Variants in PIGN observed in about 807,000 individuals in gnomAD.
The protein encoded by PIGN is GPI ethanolamine phosphate transferase 1.
A neutral mutation model predicts 125.4 loss-of-function variants in PIGN; 117 were observed. The observed-to-expected ratio is 0.93, with a 90% CI of 0.80 to 1.09. PIGN has a LOEUF of 1.09. PIGN is among the 50% of genes least tolerant of loss of function. PIGN has a pLI of 0.00. For synonymous variants in PIGN, 392 were observed against 377.8 expected (o/e 1.04, Z -0.44); for missense variants, 1,075 against 1,094.9 (o/e 0.98, Z 0.26).
intron 25 of PIGN, among the ~76,000 whole-genome samples, chr18:62,086,622 T>TG (rs1176931845): frequency 1.3e-5 from 2 of 149,630 alleles, no homozygotes; most frequent in South Asian, 2.1e-4. Flanking sequence ...TTTTTTGTTT[T>TG]TTTTTTTTTT....
intron 17 of PIGN, among the ~76,000 whole-genome samples, chr18:62,108,725 G>T (rs1371670992): frequency 6.6e-6 from 1 of 151,998 alleles, no homozygotes; most frequent in East Asian, 1.9e-4. Context: ...TGAGTAGCTG[G>T]AATTACAGGT....
intron 30 of PIGN, among the ~76,000 whole-genome samples, chr18:62,065,609 G>A (rs1048433380): frequency 1.3e-5 from 2 of 151,952 alleles, no homozygotes; most frequent in Non-Finnish European, 2.9e-5. Flanking sequence ...CGAGGTGGTG[G>A]GCGCCTGTAG....
intron 4 of PIGN, 85 bp from the exon 5 acceptor site, chr18:62,157,893 G>T: frequency 7.7e-7 from 1 of 1,294,914 alleles, no homozygotes; most frequent in Non-Finnish European, 1.0e-6. Flanking sequence ...GATTATTACA[G>T]AAGGAATCAA....
At chr18:62,094,105 T>C (rs1229364145) in intron 23 of PIGN, among the ~76,000 whole-genome samples, 1 of 152,156 alleles carries the variant, frequency 6.6e-6, no homozygotes, top group Admixed American at 6.5e-5. Flanking sequence ...TTTGGGCATC[T>C]CCTATGACTA....
intron 25 of PIGN, among the ~76,000 whole-genome samples, chr18:62,088,225 G>C (rs2033798508): frequency 6.6e-6 from 1 of 152,106 alleles, no homozygotes; most frequent in African/African-American, 2.4e-5. Context: ...ATTTCTTGCA[G>C]CTAGTCAGTC....
intron 23 of PIGN, among the ~76,000 whole-genome samples, chr18:62,026,062 G>A (rs192162950): frequency 5.3e-5 from 8 of 152,190 alleles, no homozygotes; most frequent in Admixed American, 2.6e-4. Context: ...CATAGCACCC[G>A]GGACACATTT....
chr18:62,099,144 A>C (rs1251386606), intron 22 of PIGN, among the ~76,000 whole-genome samples: 2 of 152,072 alleles, frequency 1.3e-5, no homozygotes, highest in African/African-American at 2.4e-5. Flanking sequence ...TAAAAGAAAA[A>C]AAATTGTCGA....
intron 14 of PIGN, among the ~76,000 whole-genome samples, chr18:62,134,940 A>T (rs1027949142): frequency 1.3e-5 from 2 of 152,146 alleles, no homozygotes; most frequent in Non-Finnish European, 2.9e-5. Flanking sequence ...TTCTATGTAT[A>T]CATCATGTCC....
chr18:62,166,972 A>G (rs1309509238), intron 1 of PIGN, among the ~76,000 whole-genome samples: 1 of 152,224 alleles, frequency 6.6e-6, no homozygotes, highest in East Asian at 1.9e-4. Flanking sequence ...AACCTAGATG[A>G]CAGGTTGATA....
At chr18:62,119,700 C>T (rs1158679210) in intron 14 of PIGN, among the ~76,000 whole-genome samples, 3 of 151,668 alleles carry the variant, frequency 2.0e-5, no homozygotes, top group Non-Finnish European at 2.9e-5. Flanking sequence ...AAAACTTAGC[C>T]GGGTGTGGTG....
At chr18:62,061,387 G>A (rs2032114631) in intron 30 of PIGN, among the ~76,000 whole-genome samples, 1 of 150,494 alleles carries the variant, frequency 6.6e-6, no homozygotes, top group African/African-American at 2.5e-5. Flanking sequence ...CAAATTCTGG[G>A]ACAGATTCCC....
chr18:62,106,983 T>C lies in PIGN; in HGVS notation c.1674+3A>G. 1 of 1,568,442 alleles carries C rather than the reference T, an allele frequency of 6.4e-7. No individual in the cohort carries two copies. The highest frequency in any genetic ancestry group is 8.7e-7 in the Non-Finnish European group (1 of 1,153,170). On this transcript the variant is annotated splice_donor_region_variant and intron_variant, in intron 18 of 30. Transcript: ENST00000640252. ...AAATGTTGTAATCTGGTAAGTTACT[T>C]ACTAATACTTCAATTCCCAGGGTAA...
At chr18:62,100,551 C>G (rs2034396794) in intron 22 of PIGN, among the ~76,000 whole-genome samples, 1 of 152,190 alleles carries the variant, frequency 6.6e-6, no homozygotes, top group Admixed American at 6.5e-5. Context: ...AAGGGAAAAC[C>G]TAAGTCCTTA....
chr18:62,099,505 T>TA (rs35590743), intron 22 of PIGN, among the ~76,000 whole-genome samples: 45,139 of 151,808 alleles, frequency 0.3, 7,951 homozygotes, highest in East Asian at 0.58. Context: ...CTTAAGCTTT[T>TA]AAAAAAAGAA....
chr18:62,171,274 A>C (rs2037336933), intron 1 of PIGN, among the ~76,000 whole-genome samples: 1 of 152,044 alleles, frequency 6.6e-6, no homozygotes. Flanking sequence ...GTTATTTTTT[A>C]TTTCAATTTC....
At chr18:62,146,338 G>T (rs971140220) in intron 9 of PIGN, among the ~76,000 whole-genome samples, 3 of 152,162 alleles carry the variant, frequency 2.0e-5, no homozygotes, top group Non-Finnish European at 4.4e-5. Flanking sequence ...GAGCAGCACT[G>T]CAGACAGAAA....
At chr18:62,062,215 T>C (rs2032194493) in intron 30 of PIGN, among the ~76,000 whole-genome samples, 1 of 152,144 alleles carries the variant, frequency 6.6e-6, no homozygotes, top group African/African-American at 2.4e-5. Flanking sequence ...TGCAATCAAC[T>C]TCCTCTCTTA....
At position 62,146,039 on chromosome 18, in the gene PIGN, A is replaced by G; in HGVS notation, c.806-14T>C. On this transcript the variant is annotated splice_polypyrimidine_tract_variant and intron_variant, in intron 9 of 30. Coordinates refer to ENST00000640252, the MANE Select transcript of PIGN (RefSeq NM_176787.5). Reference sequence around the variant, plus strand: ...CCCCATGGGAACCTACAAATAAGATATAAAGAATAATAAGACAAATATAGA... The same window carrying G: ...CCCCATGGGAACCTACAAATAAGATGTAAAGAATAATAAGACAAATATAGA... 1 of 1,127,654 alleles carries G rather than the reference A, an allele frequency of 8.9e-7. No homozygotes were observed. Among genetic ancestry groups the G allele is most frequent in the East Asian group, 2.4e-5 (1 of 41,256 alleles). 69.9% of individuals were successfully genotyped at this position (1,127,654 alleles called of 1,614,324 possible).
intron 23 of PIGN, among the ~76,000 whole-genome samples, chr18:62,032,454 C>A (rs2030205122): frequency 6.6e-6 from 1 of 152,154 alleles, no homozygotes; most frequent in Admixed American, 6.5e-5. Flanking sequence ...AAGTGTGCCC[C>A]AAGCCAACTG....
Sources: allele counts gnomAD v4.1 joint callset (sites outside exome capture counted in the v4.1 genomes callset), GRCh38; gene constraint gnomAD v4.1.1; transcripts MANE v1.5; gene names NCBI Gene and HGNC (gene_info 2026-07-23, HGNC 2026-07-21).